The following NLGN1 variants were observed in gnomAD, a reference collection of about 807,000 sequenced individuals.
NLGN1 encodes neuroligin 1.
NLGN1 carries 12 observed loss-of-function variants against 65.5 expected under a neutral mutation model. The ratio of observed to expected loss-of-function variants is 0.18; its 90% CI spans 0.12 to 0.30. The LOEUF (loss-of-function observed/expected upper bound fraction) is 0.30. Among genes scored for constraint, NLGN1 ranks in the 10% least tolerant of loss-of-function variants. The pLI is 1.00. For missense variants in NLGN1, 750 were observed against 1,007.1 expected, an observed-to-expected ratio of 0.74 and a Z score of 3.46; for synonymous variants, 350 against 359.5, an observed-to-expected ratio of 0.97 and a Z score of 0.30.
At chr3:173,701,507 G>A (rs1246745971) in intron 3 of NLGN1, among the ~76,000 whole-genome samples, 1 of 152,138 alleles carries the variant, frequency 6.6e-6, no homozygotes, top group East Asian at 1.9e-4. Context: ...ATGTAGCCCT[G>A]CAATACTTTG....
chr3:173,737,787 G>GCACCATA (rs1360998675), intron 3 of NLGN1, among the ~76,000 whole-genome samples: 2 of 151,996 alleles, frequency 1.3e-5, no homozygotes, highest in African/African-American at 4.8e-5. Context: ...TAAAAGTGCT[G>GCACCATA]CACCATATGA....
intron 3 of NLGN1, among the ~76,000 whole-genome samples, chr3:173,701,123 C>T (rs530026530): frequency 1.3e-5 from 2 of 151,896 alleles, no homozygotes; most frequent in Non-Finnish European, 2.9e-5. Flanking sequence ...AGCGAGACTC[C>T]GTCTTGAAAA....
In NLGN1 at chr3:173,595,605, G is replaced by T. The variant is rs183023816; in HGVS notation, c.-320-8674G>T. On this transcript the variant is annotated intron_variant, in intron 2 of 6. Coordinates refer to ENST00000457714, the Ensembl canonical transcript of NLGN1. ...TCCAAAGTTGCTTCCACATTTTTGG[G>T]TATCTTTTCAGCAGTGCCCCACTCT... 2.5e-4 allele frequency among the ~76,000 whole-genome samples: 38 copies of T among 152,166 alleles called. No individual in the cohort carries two copies. The Middle Eastern group carries it at 0.014, about 54-fold the overall frequency.
intron 3 of NLGN1, among the ~76,000 whole-genome samples, chr3:173,643,449 A>G (rs1051800062): frequency 6.6e-6 from 1 of 152,260 alleles, no homozygotes; most frequent in Non-Finnish European, 1.5e-5. Flanking sequence ...TACACTAGGC[A>G]TACAGAAGAA....
At chr3:174,010,196 T>C (rs1311055493) in intron 4 of NLGN1, among the ~76,000 whole-genome samples, 1 of 152,154 alleles carries the variant, frequency 6.6e-6, no homozygotes, top group Non-Finnish European at 1.5e-5. Context: ...GAAGACAAAC[T>C]CTATAATGCT....
chr3:173,526,781 A>G (rs977109025), intron 2 of NLGN1, among the ~76,000 whole-genome samples: 1 of 151,882 alleles, frequency 6.6e-6, no homozygotes, highest in Non-Finnish European at 1.5e-5. Flanking sequence ...CCATCCTTCT[A>G]CTCTGTCTTC....
chr3:173,578,168 G>A (rs994907475), intron 2 of NLGN1, among the ~76,000 whole-genome samples: 6 of 151,042 alleles, frequency 4.0e-5, no homozygotes, highest in Non-Finnish European at 8.8e-5. Flanking sequence ...CCCGGGAGGC[G>A]GAGTTTGCAG....
chr3:173,753,505 G>A (rs1050185715), intron 3 of NLGN1, among the ~76,000 whole-genome samples: 3 of 151,968 alleles, frequency 2.0e-5, no homozygotes, highest in African/African-American at 7.3e-5. Flanking sequence ...AAATATATCT[G>A]GAATAGGCTG....
intron 4 of NLGN1, among the ~76,000 whole-genome samples, chr3:173,851,776 A>G (rs564986022): frequency 1.3e-5 from 2 of 152,140 alleles, no homozygotes; most frequent in East Asian, 3.9e-4. Flanking sequence ...GCACCCTTCT[A>G]TTGCATCTGC....
chr3:174,273,184 A>G (rs1426662473), intron 4 of NLGN1, among the ~76,000 whole-genome samples: 3 of 151,694 alleles, frequency 2.0e-5, no homozygotes, highest in African/African-American at 4.8e-5. Context: ...TGAATTCTGT[A>G]TGGATGTAAA....
At chr3:173,714,807 G>A (rs1769573807) in intron 3 of NLGN1, among the ~76,000 whole-genome samples, 1 of 152,118 alleles carries the variant, frequency 6.6e-6, no homozygotes, top group Non-Finnish European at 1.5e-5. Context: ...CAGATGAAGA[G>A]ACTGAAGCAA....
At chr3:173,441,271 A>G (rs534852344) in intron 2 of NLGN1, among the ~76,000 whole-genome samples, 1 of 152,254 alleles carries the variant, frequency 6.6e-6, no homozygotes, top group South Asian at 2.1e-4. Flanking sequence ...TTGCTTTCTT[A>G]ACATTTTTGT....
intron 1 of NLGN1, among the ~76,000 whole-genome samples, chr3:173,432,102 T>C (rs1579990): frequency 1.3e-5 from 2 of 152,196 alleles, no homozygotes; most frequent in African/African-American, 4.8e-5. Context: ...TTTGTCAATA[T>C]GCATAACAGT....
chr3:173,521,065 A>C lies in NLGN1; in HGVS notation c.-320-83214A>C, dbSNP rs190741660. ...TATCACAGACAGGAGTAAAATTGCT[A>C]TACTATGTGAAGAGAGGCATTAAGA... On this transcript the variant is annotated intron_variant, in intron 2 of 6. Coordinates refer to ENST00000457714, the Ensembl canonical transcript of NLGN1. 3.1e-3 allele frequency among the ~76,000 whole-genome samples: 474 copies of C among 152,318 alleles called. 3 individuals carry two copies. Among genetic ancestry groups the C allele is most frequent in the African/African-American group, 0.011 (460 of 41,564 alleles).
chr3:174,155,411 AG>A (rs1725258578), intron 4 of NLGN1, among the ~76,000 whole-genome samples: 1 of 151,910 alleles, frequency 6.6e-6, no homozygotes, highest in African/African-American at 2.4e-5. Flanking sequence ...TTTAAGCTGT[AG>A]TACTGCAAGA....
chr3:173,716,338 G>A (rs1769844887), intron 3 of NLGN1, among the ~76,000 whole-genome samples: 1 of 152,098 alleles, frequency 6.6e-6, no homozygotes, highest in African/African-American at 2.4e-5. Flanking sequence ...GTTTGTGTGT[G>A]TGTATATATA....
rs536692187 is a variant in NLGN1 at position 174,203,231 on chromosome 3, T to C, written c.647-72084T>C. On this transcript the variant is annotated intron_variant, in intron 4 of 6. Coordinates refer to ENST00000457714, the Ensembl canonical transcript of NLGN1. ...AGACAAGAGCAGTAATTTTCTGCCC[T>C]GTGCAGTCTCTCAAAGGTTAAAAAT... 1.3e-4 allele frequency among the ~76,000 whole-genome samples: 20 copies of C among 152,320 alleles called. No homozygotes were observed. In the South Asian group the frequency reaches 3.7e-3, roughly 28 times the overall value.
At chr3:173,958,734 GC>G (rs1298077363) in intron 4 of NLGN1, among the ~76,000 whole-genome samples, 1 of 152,152 alleles carries the variant, frequency 6.6e-6, no homozygotes, top group African/African-American at 2.4e-5. Context: ...TCCCCTTTCT[GC>G]CCTGGTGCCT....
chr3:174,275,332 G>A (rs755836692), exon 5 of NLGN1: 72 of 1,611,972 alleles, frequency 4.5e-5, no homozygotes, highest in Non-Finnish European at 6.0e-5. Context: ...GAGTACAGGC[G>A]ATCAGGCTGC....
Sources: gnomAD v4.1 joint callset for allele counts (sites outside exome capture counted in the v4.1 genomes callset) on GRCh38, gnomAD v4.1.1 for gene constraint, MANE v1.5 for transcripts, NCBI Gene and HGNC (gene_info 2026-07-23, HGNC 2026-07-21) for gene names.